Variants in WASL observed in about 807,000 individuals in gnomAD.
The protein encoded by WASL is WASP like actin nucleation promoting factor.
Under a neutral mutation model 55.5 loss-of-function variants are expected in WASL, and 20 were observed. The ratio of observed to expected loss-of-function variants is 0.36; its 90% confidence interval spans 0.25 to 0.52. The LOEUF is 0.52. Among genes scored for constraint, WASL ranks in the 20% least tolerant of loss-of-function variants. The pLI, the probability that WASL is intolerant of heterozygous loss-of-function variation, is 0.92. For missense variants in WASL, 504 were observed against 622.5 expected (o/e 0.81, Z 2.03); for synonymous variants, 249 against 217.6 (o/e 1.14, Z -1.27).
At chr7:123,740,258 G>A (rs1010682998) in intron 1 of WASL, among the ~76,000 whole-genome samples, 10 of 150,794 alleles carry the variant, frequency 6.6e-5, no homozygotes, top group African/African-American at 2.4e-4. Flanking sequence ...TTTCTTGAGG[G>A]GCTTTTCTGT....
intron 1 of WASL, among the ~76,000 whole-genome samples, chr7:123,745,160 T>C (rs1464534288): frequency 6.6e-6 from 1 of 152,150 alleles, no homozygotes; most frequent in East Asian, 1.9e-4. Context: ...TCACCTTCTA[T>C]ATATAACTGG....
At chr7:123,721,037 T>C (rs1803935764) in intron 1 of WASL, among the ~76,000 whole-genome samples, 1 of 152,196 alleles carries the variant, frequency 6.6e-6, no homozygotes, top group Non-Finnish European at 1.5e-5. Context: ...AATAACATAC[T>C]ACAGTGCCTA....
rs562985558 is a variant in WASL at position 123,700,053 on chromosome 7, G to A, written c.461-3306C>T. On this transcript the variant is annotated intron_variant, in intron 5 of 10. Transcript: ENST00000223023. The stretch of plus-strand genomic sequence containing the variant: ...TATCCGGGCATGGTGGCGCGCGCCT[G>A]TAGTCCCAGCTACACGGGAGGCTGA... 1.0e-3 allele frequency among the ~76,000 whole-genome samples: 154 copies of A among 151,530 alleles called. 1 individual carries two copies. The Middle Eastern group carries it at 0.014, about 13-fold the overall frequency.
intron 1 of WASL, among the ~76,000 whole-genome samples, chr7:123,745,127 G>A (rs879711285): frequency 6.6e-6 from 1 of 152,130 alleles, no homozygotes; most frequent in Admixed American, 6.5e-5. Flanking sequence ...TATAATGCCT[G>A]CCTTTATTGA....
chr7:123,722,348 T>G (rs962579870), intron 1 of WASL, among the ~76,000 whole-genome samples: 2 of 152,198 alleles, frequency 1.3e-5, no homozygotes, highest in Non-Finnish European at 2.9e-5. Context: ...ATGTTCCTAA[T>G]AAAAATAATT....
chr7:123,695,746 G>T, intron 7 of WASL, 77 bp downstream of exon 7: 1 of 1,458,298 alleles, frequency 6.9e-7, no homozygotes, highest in Non-Finnish European at 9.4e-7. Flanking sequence ...CCACAAAAAT[G>T]AATTTAAAAA....
chr7:123,708,690 C>T (rs12706545), intron 2 of WASL, among the ~76,000 whole-genome samples: 113,742 of 152,000 alleles, frequency 0.75, 42,873 homozygotes, highest in South Asian at 0.83. Context: ...GGCTAAATAA[C>T]AGTACATACT....
intron 10 of WASL, among the ~76,000 whole-genome samples, chr7:123,686,478 G>T (rs1803292104): frequency 1.3e-5 from 2 of 151,790 alleles, no homozygotes; most frequent in Admixed American, 6.6e-5. Flanking sequence ...TCATCATCAG[G>T]TACTACCACA....
chr7:123,692,758 T>A lies in WASL; in HGVS notation c.936A>T (p.Pro312=). The A allele has an allele frequency of 6.7e-7, 1 of 1,487,538 alleles. No individual in the cohort carries two copies. The highest frequency in any genetic ancestry group is 8.9e-7 in the Non-Finnish European group (1 of 1,119,954). 92.1% of individuals were successfully genotyped at this position (1,487,538 alleles called of 1,614,324 possible). A position where few individuals can be genotyped will look rare whatever the true frequency, so the allele number is the denominator to read the frequency against. ...PPARGRGAPP[P]PPSRAPTAAP... ...CAGCTGTGGGAGCTCTTGAAGGTGG[T>A]GGGGGAGGAGCGCCTCTTCCCCTAG... Residue 312 remains proline (P), a synonymous_variant, in exon 9 of 11, where the codon CCA becomes CCT. Transcript: ENST00000223023.
chr7:123,708,252 G>C (rs1398384106), intron 2 of WASL, among the ~76,000 whole-genome samples: 1 of 152,108 alleles, frequency 6.6e-6, no homozygotes, highest in Non-Finnish European at 1.5e-5. Context: ...TTTAATCTCA[G>C]TGAAATACCT....
At chr7:123,718,888 C>G (rs1286719621) in intron 1 of WASL, among the ~76,000 whole-genome samples, 1 of 152,118 alleles carries the variant, frequency 6.6e-6, no homozygotes, top group African/African-American at 2.4e-5. Flanking sequence ...ATTTTTTATT[C>G]TTTCATTCAA....
intron 1 of WASL, among the ~76,000 whole-genome samples, chr7:123,724,555 T>C (rs1562963771): frequency 6.6e-6 from 1 of 152,182 alleles, no homozygotes; most frequent in Non-Finnish European, 1.5e-5. Context: ...GTTCACCCTC[T>C]AAAGACAAGG....
rs146700327 is a variant in WASL at position 123,689,594 on chromosome 7, T to C, written c.1348-444A>G. 3.3e-4 allele frequency among the ~76,000 whole-genome samples: 51 copies of C among 152,308 alleles called. No homozygotes were observed. In the East Asian group the frequency reaches 4.6e-3, roughly 14 times the overall value. ...ATTGAAAAACAACTGTAGAAACTTATATTTGCCTACAAAAATTCAGCTTTA... is the reference window on the plus strand; with the variant it reads ...ATTGAAAAACAACTGTAGAAACTTACATTTGCCTACAAAAATTCAGCTTTA... On this transcript the variant is annotated intron_variant, in intron 9 of 10. Transcript: ENST00000223023.
intron 10 of WASL, 25 bp downstream of exon 10, chr7:123,689,012 CTCTCT>C: frequency 1.7e-6 from 1 of 605,084 alleles, no homozygotes; most frequent in South Asian, 4.9e-5. Flanking sequence ...CTCTGTCTCT[CTCTCT>C]CTCTCTCTCT....
chr7:123,689,004 C>T, intron 10 of WASL, 38 bp downstream of exon 10: 1 of 1,437,534 alleles, frequency 7.0e-7, no homozygotes, highest in South Asian at 1.2e-5. Context: ...CACACTCTCT[C>T]TGTCTCTCTC....
rs1032112255 is a variant in WASL at position 123,682,569 on chromosome 7, T to G, written c.*1950A>C. On this transcript the variant is annotated 3_prime_UTR_variant, in exon 11 of 11. Coordinates refer to ENST00000223023, the MANE Select transcript of WASL (RefSeq NM_003941.4). ...GTCAGCTGGAAAATCTAGAATTTCT[T>G]GGCCACAAGTTAAGAGAGATCTTAA... 4 of 152,154 alleles carry G rather than the reference T, an allele frequency of 2.6e-5. No homozygotes were observed. Among genetic ancestry groups the G allele is most frequent in the African/African-American group, 9.7e-5 (4 of 41,448 alleles). The allele number at this position is 152,154 out of a possible 1,614,324, so 9.4% of individuals were successfully genotyped here.
intron 9 of WASL, 131 bp downstream of exon 9, chr7:123,692,216 A>C: frequency 1.5e-6 from 2 of 1,293,616 alleles, no homozygotes; most frequent in Non-Finnish European, 2.1e-6. Context: ...AGTATTTTTA[A>C]ATTTATAGGG....
chr7:123,689,985 T>A (rs1003213994), intron 9 of WASL, among the ~76,000 whole-genome samples: 5 of 152,158 alleles, frequency 3.3e-5, no homozygotes, highest in East Asian at 1.9e-4. Context: ...ACACCTTTTT[T>A]AAAAAAATTC....
chr7:123,718,541 A>C (rs1421208258), intron 1 of WASL, among the ~76,000 whole-genome samples: 1 of 152,120 alleles, frequency 6.6e-6, no homozygotes, highest in African/African-American at 2.4e-5. Flanking sequence ...TTCTATATTC[A>C]ATGTTTTAAG....
Sources: gnomAD v4.1 joint callset for allele counts (sites outside exome capture counted in the v4.1 genomes callset) on GRCh38, gnomAD v4.1.1 for gene constraint, MANE v1.5 for transcripts, NCBI Gene and HGNC (gene_info 2026-07-23, HGNC 2026-07-21) for gene names.